The following FAAH2 variants were observed in gnomAD, a reference collection of about 807,000 sequenced individuals.
FAAH2 encodes the protein fatty-acid amide hydrolase 2.
In FAAH2, 60 loss-of-function variants were observed where a neutral mutation model predicts 36.9. The observed-to-expected ratio is 1.63, with a 90% confidence interval of 1.32 to 2.02. The LOEUF (loss-of-function observed/expected upper bound fraction) is 2.02. FAAH2 is among the 30% of genes most tolerant of loss of function. The pLI is 0.00. For missense variants in FAAH2, 689 were observed against 397.5 expected, an observed-to-expected ratio of 1.73 and a Z score of -6.23; for synonymous variants, 214 against 143.8, an observed-to-expected ratio of 1.49 and a Z score of -3.49.
At chrX:57,403,134 G>A (rs1285199841) in intron 7 of FAAH2, among the ~76,000 whole-genome samples, 2 of 111,899 alleles carry the variant, frequency 1.8e-5, no homozygotes, top group East Asian at 5.6e-4. Context: ...CTCTGACTGG[G>A]CCGAATTCTC....
At chrX:57,158,881 G>A in the FAAH2 span, among the ~76,000 whole-genome samples, 1 of 112,046 alleles carries the variant, frequency 8.9e-6, no homozygotes, top group Non-Finnish European at 1.9e-5. Flanking sequence ...GGCTTTTGTT[G>A]CCATTGCTTT....
chrX:57,176,643 C>T, the FAAH2 span, among the ~76,000 whole-genome samples: 1 of 111,541 alleles, frequency 9.0e-6, no homozygotes, highest in East Asian at 2.8e-4. Flanking sequence ...TGTTATAGAA[C>T]CCAGTTTTTG....
At chrX:57,427,047 T>C (rs2056179810) in intron 7 of FAAH2, among the ~76,000 whole-genome samples, 1 of 110,468 alleles carries the variant, frequency 9.1e-6, no homozygotes, top group Admixed American at 9.6e-5. Flanking sequence ...CAATTGGAAA[T>C]GAAAAAGGAG....
intron 7 of FAAH2, among the ~76,000 whole-genome samples, chrX:57,411,983 T>C (rs912019155): frequency 4.5e-5 from 5 of 112,251 alleles, no homozygotes; most frequent in Non-Finnish European, 9.4e-5. Flanking sequence ...TCTTAACAGA[T>C]ACATACTAGT....
At chrX:57,384,031 C>G (rs951959362) in intron 7 of FAAH2, among the ~76,000 whole-genome samples, 1 of 111,799 alleles carries the variant, frequency 8.9e-6, no homozygotes, top group Non-Finnish European at 1.9e-5. Context: ...ACATCTACAG[C>G]TATCTGATCT....
the FAAH2 span, among the ~76,000 whole-genome samples, chrX:57,241,540 A>AT: frequency 9.8e-5 from 11 of 111,875 alleles, no homozygotes; most frequent in Non-Finnish European, 2.1e-4. Context: ...TGTAAAGTTC[A>AT]TTTTTAAAAA....
At chrX:57,463,744 C>A (rs2057000794) in intron 10 of FAAH2, among the ~76,000 whole-genome samples, 1 of 111,733 alleles carries the variant, frequency 8.9e-6, no homozygotes. Flanking sequence ...ATTAAAAAGT[C>A]TGGAAACAAC....
At chrX:57,185,002 G>A in the FAAH2 span, among the ~76,000 whole-genome samples, 57 of 111,110 alleles carry the variant, frequency 5.1e-4, no homozygotes, top group African/African-American at 1.8e-3. Context: ...GAGATGTTTC[G>A]ATACAGGCGT....
At chrX:57,148,763 G>A in the FAAH2 span, among the ~76,000 whole-genome samples, 1 of 111,372 alleles carries the variant, frequency 9.0e-6, no homozygotes, top group South Asian at 3.8e-4. Context: ...TCCTTCTCCT[G>A]CCTCATTGTT....
intron 10 of FAAH2, among the ~76,000 whole-genome samples, chrX:57,465,191 A>C (rs1255160315): frequency 8.9e-6 from 1 of 111,936 alleles, no homozygotes; most frequent in Non-Finnish European, 1.9e-5. Flanking sequence ...ATCAGTTGGC[A>C]TAATTTAATC....
chrX:57,249,760 G>A, the FAAH2 span, among the ~76,000 whole-genome samples: 1 of 111,741 alleles, frequency 8.9e-6, no homozygotes, highest in Non-Finnish European at 1.9e-5. Flanking sequence ...GATATGCTGG[G>A]TTCTTTGAAT....
intron 10 of FAAH2, among the ~76,000 whole-genome samples, chrX:57,462,471 G>A (rs758934627): frequency 4.5e-5 from 5 of 111,558 alleles, no homozygotes; most frequent in African/African-American, 1.3e-4. Context: ...CGATGAAGTC[G>A]GTTTCATAAC....
At chrX:57,147,688 G>A in the FAAH2 span, among the ~76,000 whole-genome samples, 2 of 111,673 alleles carry the variant, frequency 1.8e-5, no homozygotes, top group African/African-American at 3.2e-5. Flanking sequence ...ACTTTTTGAC[G>A]TAGGTTAACG....
intron 4 of FAAH2, among the ~76,000 whole-genome samples, chrX:57,334,266 T>TCACA (rs1491098492): frequency 4.9e-4 from 4 of 8,139 alleles, no homozygotes; most frequent in African/African-American, 5.8e-4. Flanking sequence ...GGAGATTCCG[T>TCACA]CTCACACACA....
chrX:57,209,914 A>T, the FAAH2 span, among the ~76,000 whole-genome samples: 1 of 108,167 alleles, frequency 9.2e-6, no homozygotes. Context: ...TGCTCCCTCC[A>T]TGGGTGGGTG....
chrX:57,290,688 T>C (rs1246113028), intron 1 of FAAH2, among the ~76,000 whole-genome samples: 1 of 111,589 alleles, frequency 9.0e-6, no homozygotes, highest in Non-Finnish European at 1.9e-5. Context: ...GTTATTAAAT[T>C]TTATCTTGAT....
chrX:57,171,596 T>C, the FAAH2 span, among the ~76,000 whole-genome samples: 1 of 111,745 alleles, frequency 8.9e-6, no homozygotes, highest in South Asian at 3.7e-4. Context: ...TGCCCCCTTT[T>C]TAATAGAATT....
chrX:57,374,608 CA>C (rs1311189489), intron 5 of FAAH2, among the ~76,000 whole-genome samples: 1 of 111,391 alleles, frequency 9.0e-6, no homozygotes, highest in Admixed American at 9.6e-5. Flanking sequence ...GAGCTTTTTG[CA>C]GGAGTTTTTA....
At chrX:57,247,128 T>A in the FAAH2 span, among the ~76,000 whole-genome samples, 1 of 111,894 alleles carries the variant, frequency 8.9e-6, no homozygotes, top group African/African-American at 3.2e-5. Flanking sequence ...ACATATAGTT[T>A]GTAATTTGCT....
Sources: allele counts gnomAD v4.1 joint callset (sites outside exome capture counted in the v4.1 genomes callset), GRCh38; gene constraint gnomAD v4.1.1; transcripts MANE v1.5; gene names NCBI Gene and HGNC (gene_info 2026-07-23, HGNC 2026-07-21).